Variants in ABR observed in about 807,000 individuals in gnomAD.
The protein encoded by ABR is active breakpoint cluster region-related protein.
In ABR, 35 loss-of-function variants were observed where a neutral mutation model predicts 107.2. The ratio of observed to expected loss-of-function variants is 0.33; its 90% CI spans 0.25 to 0.43. The LOEUF (loss-of-function observed/expected upper bound fraction) is 0.43. Among genes scored for constraint, ABR ranks in the 20% least tolerant of loss-of-function variants. The pLI is 1.00. For synonymous variants in ABR, 498 were observed against 462.0 expected (o/e 1.08, Z -1.00); for missense variants, 815 against 1,115.2 (o/e 0.73, Z 3.83).
In ABR at chr17:1,004,387, C is replaced by T. The variant is rs1239411944; in HGVS notation, c.*1693G>A. 2 of 152,616 alleles carry T rather than the reference C, an allele frequency of 1.3e-5. No homozygotes were observed. Among genetic ancestry groups the T allele is most frequent in the East Asian group, 1.9e-4 (1 of 5,200 alleles). 9.5% of individuals were successfully genotyped at this position (152,616 alleles called of 1,614,324 possible). A position where few individuals can be genotyped will look rare whatever the true frequency, so the allele number is the denominator to read the frequency against. On this transcript the variant is annotated 3_prime_UTR_variant, in exon 23 of 23. Coordinates refer to ENST00000302538, the MANE Select transcript of ABR (RefSeq NM_021962.5). Reference sequence around the variant, plus strand: ...AACAGGCTCAAAAAGGGCCTCTCACCGCGCACGCGCTGCAGCGTTAGGGCC... The same window carrying T: ...AACAGGCTCAAAAAGGGCCTCTCACTGCGCACGCGCTGCAGCGTTAGGGCC...
intron 1 of ABR, among the ~76,000 whole-genome samples, chr17:1,159,983 C>T (rs1365942376): frequency 1.3e-5 from 2 of 152,138 alleles, no homozygotes; most frequent in African/African-American, 2.4e-5. Flanking sequence ...GTGACGCTGC[C>T]GCCGCTTGGG....
rs78317411 is a variant in ABR at position 1,194,864 on chromosome 17, A to G, written c.838+33929T>C. ...GACAGGGTTTCGCCATGTTGGCCAGACTGGTCTCGAACTCCTGACTCAGGT... is the reference window on the plus strand; with the variant it reads ...GACAGGGTTTCGCCATGTTGGCCAGGCTGGTCTCGAACTCCTGACTCAGGT... On this transcript the variant is annotated intron_variant, in intron 1 of 22. Coordinates refer to the ABR transcript ENST00000574139. 6.3e-3 allele frequency among the ~76,000 whole-genome samples: 607 copies of G among 96,168 alleles called. 6 individuals carry two copies. The highest frequency in any genetic ancestry group is 0.012 in the Admixed American group (84 of 6,882). 63.1% of individuals were successfully genotyped at this position (96,168 alleles called of 152,430 possible). A position where few individuals can be genotyped will look rare whatever the true frequency, so the allele number is the denominator to read the frequency against.
chr17:1,122,421 T>C lies in ABR; in HGVS notation c.246+2762A>G, dbSNP rs1288393867. ...TGAGTAAAAAGACTCCTCCCCAGTG[T>C]AGGTGGGCCTCATCCAATCCACTGA... is the stretch of plus-strand genomic sequence containing the variant. On this transcript the variant is annotated intron_variant, in intron 2 of 22. Coordinates refer to ENST00000302538, the MANE Select transcript of ABR (RefSeq NM_021962.5). Among the ~76,000 whole-genome samples the C allele has an allele frequency of 5.3e-5, 8 of 152,186 alleles. No homozygotes were observed. The East Asian group carries it at 1.3e-3, about 26-fold the overall frequency.
At chr17:1,058,982 G>A (rs1036731472) in intron 10 of ABR, 115 bp from the exon 11 acceptor site, 52 of 1,458,092 alleles carry the variant, frequency 3.6e-5, no homozygotes, top group East Asian at 1.8e-4. Flanking sequence ...TCCGTATTTC[G>A]TGATGTTTTG....
intron 7 of ABR, 43 bp from the exon 8 acceptor site, chr17:1,072,797 G>T (rs769748532): frequency 2.3e-5 from 37 of 1,595,114 alleles, no homozygotes; most frequent in Non-Finnish European, 3.0e-5. Context: ...CGGCTCTGGG[G>T]CCTGATGTGT....
intron 16 of ABR, among the ~76,000 whole-genome samples, chr17:1,015,804 T>C (rs2150769712): frequency 6.6e-6 from 1 of 152,186 alleles, no homozygotes; most frequent in East Asian, 1.9e-4. Flanking sequence ...AACTTTTTGG[T>C]GGAATGCTCT....
rs558454860 is a variant in ABR at position 1,135,247 on chromosome 17, T to A, written c.62-9880A>T. Among the ~76,000 whole-genome samples the A allele has an allele frequency of 1.4e-3, 219 of 152,280 alleles. 2 individuals are homozygous for A. The highest frequency in any genetic ancestry group is 4.9e-3 in the African/African-American group (203 of 41,560). ...CAGGGACTTGCTCCTGAGAGCCTCG[T>A]GAGCTGAGCCGAGAGCCGTGCAGGA... On this transcript the variant is annotated intron_variant, in intron 1 of 22. Transcript: ENST00000302538.
chr17:1,027,418 T>C lies in ABR; in HGVS notation c.1792-14254A>G, dbSNP rs1476157153. On this transcript the variant is annotated intron_variant, in intron 16 of 22. Coordinates refer to ENST00000302538, the MANE Select transcript of ABR (RefSeq NM_021962.5). This position sits in a 1 kb window ranked among gnomAD's most constrained non-coding sequence, Gnocchi z 4.7. The stretch of plus-strand genomic sequence containing the variant: ...ACAGTGTGTGCATGGGGTGGCTCTG[T>C]GTCTGAGTGGCCTCCAGAACCTTCA... 6.6e-6 allele frequency among the ~76,000 whole-genome samples: 1 copy of C among 152,196 alleles called. No homozygotes were observed.
chr17:1,194,243 A>G (rs2042501756), intron 1 of ABR, among the ~76,000 whole-genome samples: 1 of 151,606 alleles, frequency 6.6e-6, no homozygotes, highest in Non-Finnish European at 1.5e-5. Context: ...GCTGGAGTGC[A>G]ATGGCACGAT....
chr17:1,039,375 G>A (rs1179215334), intron 16 of ABR, among the ~76,000 whole-genome samples: 5 of 152,228 alleles, frequency 3.3e-5, no homozygotes, highest in Admixed American at 1.3e-4. Context: ...ACACCTGGGC[G>A]ATGGAGGCAG....
In ABR at chr17:1,210,832, C is replaced by CT. The variant is rs1215422610; in HGVS notation, c.838+17960dup. On this transcript the variant is annotated intron_variant, in intron 1 of 22. Transcript: ENST00000574139. This position sits in a 1 kb window ranked among gnomAD's most constrained non-coding sequence, Gnocchi z 5.6. ...ACATTTAGAACCGTATTTTTGCATC[C>CT]TTTTAACATCAACCTGTAGGGCCAG... 6.6e-6 allele frequency among the ~76,000 whole-genome samples: 1 copy of CT among 152,162 alleles called. No homozygotes were observed. Among genetic ancestry groups the CT allele is most frequent in the Non-Finnish European group, 1.5e-5 (1 of 68,040 alleles).
Position 1,012,094 on chromosome 17 carries a change from G to A in ABR, c.1962-109C>T, listed in dbSNP as rs546435824. The A allele has an allele frequency of 1.1e-4, 166 of 1,555,158 alleles. 1 individual carries two copies. The African/African-American group carries it at 1.7e-3, about 16-fold the overall frequency. On this transcript the variant is annotated intron_variant, in intron 18 of 22. Transcript: ENST00000302538. ...TGGAGAGCTTCTAGCATTTGGGATG[G>A]AGAGCTGGGGCGGGGGCAGGGGCAG... is the stretch of plus-strand genomic sequence containing the variant.
At chr17:1,026,194 C>A (rs1053936205) in intron 16 of ABR, among the ~76,000 whole-genome samples, 1 of 152,214 alleles carries the variant, frequency 6.6e-6, no homozygotes, top group Non-Finnish European at 1.5e-5. Flanking sequence ...ACCAGAGAGG[C>A]AAAGGGATGT....
In ABR at chr17:1,212,479, G is replaced by C. The variant is rs147842504; in HGVS notation, c.838+16314C>G. On this transcript the variant is annotated intron_variant, in intron 1 of 22. Transcript: ENST00000574139. ...AAAACAAAACAAAAAGAGACGCCAG[G>C]CACAGTGGTTCACACCTGTAATCCC... is the stretch of plus-strand genomic sequence containing the variant. Among the ~76,000 whole-genome samples the C allele has an allele frequency of 2.0e-5, 3 of 152,162 alleles. No homozygotes were observed. The East Asian group carries it at 5.8e-4, about 29-fold the overall frequency.
At chr17:1,066,378 G>C (rs986434396) in intron 10 of ABR, among the ~76,000 whole-genome samples, 1 of 152,178 alleles carries the variant, frequency 6.6e-6, no homozygotes, top group Non-Finnish European at 1.5e-5. Flanking sequence ...AGTCAAGCAT[G>C]TTAATTGTGG....
chr17:1,058,772 C>T lies in ABR; in HGVS notation c.1278G>A (p.Pro426=), dbSNP rs771879459. ...FLLLLNSPTI[P]FRIHNRNGKS... ...TTCCATTCCGATTGTGGATCCTGAACGGGATTGTGGGGGAGTTGAGCAGCA... is the reference window on the plus strand; with the variant it reads ...TTCCATTCCGATTGTGGATCCTGAATGGGATTGTGGGGGAGTTGAGCAGCA... Residue 426 remains proline, a synonymous_variant, in exon 11 of 23, where the codon CCG becomes CCA. Coordinates refer to ENST00000302538, the MANE Select transcript of ABR (RefSeq NM_021962.5). The T allele has an allele frequency of 1.8e-5, 29 of 1,613,856 alleles. No individual in the cohort carries two copies. Among genetic ancestry groups the T allele is most frequent in the African/African-American group, 5.3e-5 (4 of 74,882 alleles).
intron 21 of ABR, among the ~76,000 whole-genome samples, chr17:1,007,648 A>T (rs1342716871): frequency 6.6e-6 from 1 of 152,008 alleles, no homozygotes; most frequent in African/African-American, 2.4e-5. Context: ...AACAACTCAC[A>T]CTCGCCGCAG....
At chr17:1,202,071 G>C (rs2042681896) in intron 1 of ABR, among the ~76,000 whole-genome samples, 2 of 152,164 alleles carry the variant, frequency 1.3e-5, no homozygotes, top group African/African-American at 4.8e-5. Context: ...TAGATTAAGA[G>C]AAAGAAGATC....
At chr17:1,035,136 A>T (rs2073069881) in intron 16 of ABR, among the ~76,000 whole-genome samples, 4 of 151,590 alleles carry the variant, frequency 2.6e-5, no homozygotes, top group Admixed American at 2.6e-4. Context: ...AGCCCGACTC[A>T]TTGCTTCCTG....
Sources: gnomAD v4.1 joint callset for allele counts (sites outside exome capture counted in the v4.1 genomes callset) on GRCh38, gnomAD v4.1.1 for gene constraint, Gnocchi (gnomAD v3.1) non-coding constraint, MANE v1.5 for transcripts, NCBI Gene and HGNC (gene_info 2026-07-23, HGNC 2026-07-21) for gene names.